Variants in NAALADL2 observed in about 807,000 individuals in gnomAD.
NAALADL2 encodes N-acetylated alpha-linked acidic dipeptidase like 2.
Under a neutral mutation model 87.2 loss-of-function variants are expected in NAALADL2, and 76 were observed. The ratio of observed to expected loss-of-function variants is 0.87; its 90% CI spans 0.72 to 1.05. The LOEUF is 1.05. Ranked by LOEUF, NAALADL2 falls within the 50% of genes least tolerant of loss-of-function variation. The pLI is 0.00. For synonymous variants in NAALADL2, 354 were observed against 331.0 expected, an observed-to-expected ratio of 1.07 and a Z score of -0.75; for missense variants, 1,089 against 945.8, an observed-to-expected ratio of 1.15 and a Z score of -1.99.
chr3:175,387,924 T>C (rs1768600614), intron 5 of NAALADL2, among the ~76,000 whole-genome samples: 1 of 152,098 alleles, frequency 6.6e-6, no homozygotes, highest in African/African-American at 2.4e-5. Context: ...TATCTAATCT[T>C]CTTAGAAAGC....
chr3:174,991,243 A>G (rs989234184), intron 1 of NAALADL2, among the ~76,000 whole-genome samples: 36 of 152,072 alleles, frequency 2.4e-4, no homozygotes, highest in African/African-American at 8.7e-4. Context: ...GCTGTTGTAG[A>G]ACAGTAAATA....
At position 174,681,855 on chromosome 3, in the gene NAALADL2, C is replaced by A. The variant is rs540783874; in HGVS notation, c.-114-55786C>A. Among the ~76,000 whole-genome samples, 16 of 152,316 alleles carry A rather than the reference C, an allele frequency of 1.1e-4. No individual in the cohort carries two copies. In the South Asian group the frequency reaches 3.3e-3, roughly 32 times the overall value. The stretch of plus-strand genomic sequence containing the variant: ...GACTTGTTGGGTCCCTGATTCCAGG[C>A]CTTGGCTCTTTGATTGCATTTCTGG... On this transcript the variant is annotated intron_variant, in intron 2 of 3. Coordinates refer to the NAALADL2 transcript ENST00000434257.
intron 3 of NAALADL2, among the ~76,000 whole-genome samples, chr3:175,255,706 A>T (rs1749810849): frequency 6.6e-6 from 1 of 152,188 alleles, no homozygotes. Flanking sequence ...ATCTCCAGAA[A>T]GGCATGAGAT....
intron 5 of NAALADL2, among the ~76,000 whole-genome samples, chr3:175,389,025 T>C (rs1768762469): frequency 6.6e-6 from 1 of 152,130 alleles, no homozygotes; most frequent in South Asian, 2.1e-4. Flanking sequence ...TTCATTAAGA[T>C]AATCATCCTG....
intron 2 of NAALADL2, among the ~76,000 whole-genome samples, chr3:174,690,242 G>A (rs969073617): frequency 1.3e-5 from 2 of 150,552 alleles, no homozygotes; most frequent in African/African-American, 2.5e-5. Flanking sequence ...TGTGATTAAA[G>A]TAAGACGATC....
In NAALADL2 at chr3:175,783,584, A is replaced by G. The variant is rs528563703; in HGVS notation, c.2190-19421A>G. ...TGAGACTTTGCTGAAGTTGCTTATC[A>G]GCTTAAGGAGATTTTGGGCTGAGAC... On this transcript the variant is annotated intron_variant, in intron 13 of 13. Coordinates refer to ENST00000454872, the MANE Select transcript of NAALADL2 (RefSeq NM_207015.3). Among the ~76,000 whole-genome samples the G allele has an allele frequency of 2.6e-5, 4 of 152,174 alleles. No homozygotes were observed. The South Asian group carries it at 8.3e-4, about 32-fold the overall frequency.
intron 3 of NAALADL2, among the ~76,000 whole-genome samples, chr3:174,802,559 T>C (rs1718967677): frequency 6.6e-6 from 1 of 152,200 alleles, no homozygotes; most frequent in South Asian, 2.1e-4. Flanking sequence ...GGTATACATG[T>C]GCCATGTTGG....
intron 3 of NAALADL2, among the ~76,000 whole-genome samples, chr3:174,799,890 GC>G (rs1361571696): frequency 6.6e-6 from 1 of 152,138 alleles, no homozygotes; most frequent in African/African-American, 2.4e-5. Context: ...CATGTTGGGA[GC>G]TGGAGCAAAG....
rs140185547 is a variant in NAALADL2, at chr3:175,376,728, T to C, written c.1090+52403T>C. On this transcript the variant is annotated intron_variant, in intron 5 of 13. Coordinates refer to ENST00000454872, the MANE Select transcript of NAALADL2 (RefSeq NM_207015.3). ...TTTCTCCTTCCCCCATTTGAAAGTC[T>C]GGTACTAAGTTTACATATATTGGAT... 3.2e-3 allele frequency among the ~76,000 whole-genome samples: 484 copies of C among 152,284 alleles called. 5 individuals are homozygous for C. Among genetic ancestry groups the C allele is most frequent in the East Asian group, 0.018 (91 of 5,178 alleles).
At chr3:175,684,581 G>A (rs1736015276) in intron 11 of NAALADL2, among the ~76,000 whole-genome samples, 1 of 152,112 alleles carries the variant, frequency 6.6e-6, no homozygotes, top group Non-Finnish European at 1.5e-5. Flanking sequence ...ATCACTTGAT[G>A]CCAGGAGTTT....
intron 1 of NAALADL2, among the ~76,000 whole-genome samples, chr3:175,017,414 A>G (rs1750985445): frequency 6.6e-6 from 1 of 152,064 alleles, no homozygotes; most frequent in Admixed American, 6.6e-5. Flanking sequence ...CAGACCAGGG[A>G]TTTGAATCTG....
chr3:175,534,589 G>A (rs1022258037), intron 9 of NAALADL2, among the ~76,000 whole-genome samples: 12 of 151,792 alleles, frequency 7.9e-5, no homozygotes, highest in Non-Finnish European at 1.5e-4. Flanking sequence ...TTATACCCAT[G>A]GCTTCAGTTC....
At position 175,628,155 on chromosome 3, in the gene NAALADL2, C is replaced by A. The variant is rs73881312; in HGVS notation, c.1896+769C>A. 3.6e-3 allele frequency among the ~76,000 whole-genome samples: 552 copies of A among 151,772 alleles called. 3 individuals carry two copies. Among genetic ancestry groups the A allele is most frequent in the African/African-American group, 0.012 (510 of 41,510 alleles). On this transcript the variant is annotated intron_variant, in intron 11 of 13. Coordinates refer to ENST00000454872, the MANE Select transcript of NAALADL2 (RefSeq NM_207015.3). ...TTAGTAGAAATCCTACATCAAGTAC[C>A]CATACAACCATTTGGTTCTTCACTT...
chr3:174,813,307 A>C (rs1720425256), intron 3 of NAALADL2, among the ~76,000 whole-genome samples: 1 of 151,878 alleles, frequency 6.6e-6, no homozygotes, highest in African/African-American at 2.4e-5. Flanking sequence ...ATAATGTTTT[A>C]AGAAAGTTTA....
At chr3:175,049,051 C>T (rs1323898885) in intron 1 of NAALADL2, among the ~76,000 whole-genome samples, 1 of 152,096 alleles carries the variant, frequency 6.6e-6, no homozygotes, top group African/African-American at 2.4e-5. Flanking sequence ...TCCTAAGAGC[C>T]CTCCGCCAGT....
chr3:174,664,040 C>T (rs976862775), intron 2 of NAALADL2, among the ~76,000 whole-genome samples: 26 of 152,066 alleles, frequency 1.7e-4, no homozygotes, highest in African/African-American at 5.6e-4. Context: ...CCACCAGCCT[C>T]GGCCTCCCAA....
At chr3:175,726,720 C>A (rs1372742993) in intron 11 of NAALADL2, among the ~76,000 whole-genome samples, 1 of 152,126 alleles carries the variant, frequency 6.6e-6, no homozygotes. Flanking sequence ...GATCAGATTT[C>A]ATCTCAAGTT....
At chr3:174,976,758 A>G (rs1054624696) in intron 1 of NAALADL2, among the ~76,000 whole-genome samples, 6 of 152,236 alleles carry the variant, frequency 3.9e-5, no homozygotes, top group African/African-American at 1.4e-4. Context: ...TTAGAGACCC[A>G]CAGAAATTCA....
intron 3 of NAALADL2, among the ~76,000 whole-genome samples, chr3:174,778,208 T>C (rs191984251): frequency 6.6e-6 from 1 of 152,214 alleles, no homozygotes; most frequent in African/African-American, 2.4e-5. Context: ...GTGTCCATAA[T>C]AAGGGAGGGC....
Sources: gnomAD v4.1 joint callset for allele counts (sites outside exome capture counted in the v4.1 genomes callset) on GRCh38, gnomAD v4.1.1 for gene constraint, MANE v1.5 for transcripts, NCBI Gene and HGNC (gene_info 2026-07-23, HGNC 2026-07-21) for gene names.